The following DAAM2 variants were observed in gnomAD, a reference collection of about 807,000 sequenced individuals.
DAAM2 encodes dishevelled associated activator of morphogenesis 2, also known as disheveled-associated activator of morphogenesis 2.
In DAAM2, 39 loss-of-function variants were observed where a neutral mutation model predicts 120.7. The ratio of observed to expected loss-of-function variants is 0.32; its 90% confidence interval spans 0.25 to 0.42. The LOEUF (loss-of-function observed/expected upper bound fraction) is 0.42, where lower values mean the gene tolerates loss of function less well. Ranked by LOEUF, DAAM2 falls within the 10% of genes least tolerant of loss-of-function variation. The pLI is 1.00. For missense variants in DAAM2, 1,283 were observed against 1,401.7 expected (o/e 0.92, Z 1.35); for synonymous variants, 488 against 524.9 (o/e 0.93, Z 0.96).
chr6:39,820,380 A>C (rs1319003830), intron 1 of DAAM2: 3 of 152,174 alleles, frequency 2.0e-5, no homozygotes, highest in African/African-American at 7.2e-5. Context: ...TTTTATTTAA[A>C]ACCTGCCTGT....
chr6:39,819,744 T>A (rs1161328518), intron 1 of DAAM2: 1 of 152,260 alleles, frequency 6.6e-6, no homozygotes, highest in Non-Finnish European at 1.5e-5. Context: ...AAAGTCAAGA[T>A]CCAGGCACTG....
chr6:39,875,537 C>G, intron 11 of DAAM2, 69 bp downstream of exon 11: 2 of 1,546,644 alleles, frequency 1.3e-6, no homozygotes, highest in Non-Finnish European at 1.8e-6. Context: ...CTGGTCTCAC[C>G]AGCGAAACCT....
In DAAM2 at chr6:39,903,954, G is replaced by A; in HGVS notation, c.*1917G>A. ...GCAGAGAGTTTGGCTATATGCATCT[G>A]CAGCCCCAAGAGCTCCCACTGCAAG... is the stretch of plus-strand genomic sequence containing the variant. On this transcript the variant is annotated 3_prime_UTR_variant, in exon 25 of 25. Coordinates refer to ENST00000274867, the MANE Select transcript of DAAM2 (RefSeq NM_001201427.2). 1 of 347,672 alleles carries A rather than the reference G, an allele frequency of 2.9e-6. No individual in the cohort carries two copies. The highest frequency in any genetic ancestry group is 2.3e-5 in the South Asian group (1 of 43,312). The allele number at this position is 347,672 out of a possible 1,614,324, so 21.5% of individuals were successfully genotyped here.
At chr6:39,873,916 A>G (rs1172239779) in intron 10 of DAAM2, among the ~76,000 whole-genome samples, 1 of 152,206 alleles carries the variant, frequency 6.6e-6, no homozygotes, top group Non-Finnish European at 1.5e-5. Context: ...ATAATTGCTA[A>G]TAGCCACTCC....
intron 21 of DAAM2, among the ~76,000 whole-genome samples, chr6:39,897,922 C>G (rs1176024132): frequency 6.6e-6 from 1 of 152,176 alleles, no homozygotes; most frequent in Non-Finnish European, 1.5e-5. Flanking sequence ...CTGCTGTGTT[C>G]TGAGAAGTGC....
chr6:39,864,292 G>A, intron 3 of DAAM2, 141 bp from the exon 4 acceptor site: 1 of 622,520 alleles, frequency 1.6e-6, no homozygotes, highest in Admixed American at 3.1e-5. Flanking sequence ...AAGCCTGGGG[G>A]AGAGTGTAAT....
chr6:39,847,063 C>G (rs1391857543), intron 1 of DAAM2, among the ~76,000 whole-genome samples: 2 of 152,158 alleles, frequency 1.3e-5, no homozygotes, highest in East Asian at 1.9e-4. Context: ...AGGGGCCTTT[C>G]TGGTAGAAAG....
At chr6:39,830,994 A>G (rs887603045) in intron 1 of DAAM2, among the ~76,000 whole-genome samples, 12 of 152,174 alleles carry the variant, frequency 7.9e-5, no homozygotes, top group Non-Finnish European at 1.3e-4. Flanking sequence ...TAATCTTCAC[A>G]TCAACGTGAG....
At position 39,884,044 on chromosome 6, in the gene DAAM2, T is replaced by C; in HGVS notation, c.1928T>C (p.Met643Thr). ...CTGGACCTAGAGGATTTTGAAAAGATGTTTTCAGCCTACCAGAGGCACCAG... is the reference window on the plus strand; with the variant it reads ...CTGGACCTAGAGGATTTTGAAAAGACGTTTTCAGCCTACCAGAGGCACCAG... ...RILDLEDFEK[M>T]FSAYQRHQKE... The change falls in exon 15 of 25, where the codon ATG (methionine) becomes ACG (threonine). Residue 643 changes from methionine to threonine, a missense_variant. Around this residue, in one of 3 missense-constraint regions of DAAM2, gnomAD observed 748 missense variants for 768.6 expected, o/e 0.97. Transcript: ENST00000274867. 2 of 1,609,178 alleles carry C rather than the reference T, an allele frequency of 1.2e-6. No individual in the cohort carries two copies. The highest frequency in any genetic ancestry group is 1.7e-6 in the Non-Finnish European group (2 of 1,176,506).
chr6:39,807,802 C>G (rs2114040814), intron 1 of DAAM2, among the ~76,000 whole-genome samples: 2 of 152,198 alleles, frequency 1.3e-5, no homozygotes, highest in East Asian at 3.8e-4. Context: ...TAGGCTTGAG[C>G]CACTGCACCA....
chr6:39,883,239 G>A (rs1308595207), intron 14 of DAAM2, among the ~76,000 whole-genome samples: 1 of 151,476 alleles, frequency 6.6e-6, no homozygotes, highest in African/African-American at 2.4e-5. Flanking sequence ...CTAGTGCAAG[G>A]GTCCTACACA....
chr6:39,879,919 T>C, intron 14 of DAAM2: 1 of 271,672 alleles, frequency 3.7e-6, no homozygotes, highest in South Asian at 3.6e-5. Flanking sequence ...TTTTGGCATC[T>C]TCCTGGGGGA....
At chr6:39,857,535 G>C (rs1459800549) in intron 2 of DAAM2, among the ~76,000 whole-genome samples, 1 of 152,186 alleles carries the variant, frequency 6.6e-6, no homozygotes, top group African/African-American at 2.4e-5. Context: ...AAGTGGTGGG[G>C]GCAAAGCGTT....
At chr6:39,870,621 C>T (rs187253527) in intron 8 of DAAM2, among the ~76,000 whole-genome samples, 178 bp downstream of exon 8, 8 of 152,312 alleles carry the variant, frequency 5.3e-5, no homozygotes, top group Admixed American at 5.2e-4. Context: ...CTTTGCTGAC[C>T]TGCTTGTCTC....
chr6:39,870,543 C>T, intron 8 of DAAM2, 100 bp downstream of exon 8: 1 of 760,452 alleles, frequency 1.3e-6, no homozygotes, highest in East Asian at 2.7e-5. Context: ...CCTCTGGAGA[C>T]CAGCTGCCAT....
intron 1 of DAAM2, among the ~76,000 whole-genome samples, chr6:39,806,239 G>A (rs1762006335): frequency 6.6e-6 from 1 of 152,212 alleles, no homozygotes; most frequent in South Asian, 2.1e-4. Flanking sequence ...AATATCTTAG[G>A]ATGCCTCTTT....
intron 1 of DAAM2, among the ~76,000 whole-genome samples, chr6:39,823,772 C>T (rs1762570374): frequency 6.6e-6 from 1 of 152,160 alleles, no homozygotes; most frequent in Non-Finnish European, 1.5e-5. Flanking sequence ...GTGCTTTGGC[C>T]CTTAGATGGG....
intron 14 of DAAM2, among the ~76,000 whole-genome samples, chr6:39,881,460 T>C (rs1300700664): frequency 5.3e-5 from 8 of 152,268 alleles, no homozygotes; most frequent in Admixed American, 5.2e-4. Flanking sequence ...GGCTCACGCC[T>C]GTAATCCCAG....
At position 39,903,442 on chromosome 6, in the gene DAAM2, T is replaced by C. The variant is rs1288333448; in HGVS notation, c.*1405T>C. 1.3e-5 allele frequency: 2 copies of C among 152,238 alleles called. No homozygotes were observed. Among genetic ancestry groups the C allele is most frequent in the South Asian group, 2.1e-4 (1 of 4,834 alleles). 9.4% of individuals were successfully genotyped at this position (152,238 alleles called of 1,614,324 possible). On this transcript the variant is annotated 3_prime_UTR_variant, in exon 25 of 25. Transcript: ENST00000274867. ...CCACTGCCACCTTCCATTTTGTCCA[T>C]CTCATGCTGGCCTTGGTGGATGGGA...
Sources: allele counts gnomAD v4.1 joint callset (sites outside exome capture counted in the v4.1 genomes callset), GRCh38; gene constraint gnomAD v4.1.1; regional missense constraint gnomAD v4.1.1; transcripts MANE v1.5; gene names NCBI Gene and HGNC (gene_info 2026-07-23, HGNC 2026-07-21).